NTN1: variants seen among roughly 807,000 people sequenced by gnomAD.
NTN1 encodes netrin 1.
Under a neutral mutation model 54.2 loss-of-function variants are expected in NTN1, and 11 were observed. The observed-to-expected ratio is 0.20, with a 90% CI of 0.13 to 0.34. The LOEUF (loss-of-function observed/expected upper bound fraction) is 0.34. Ranked by LOEUF, NTN1 falls within the 10% of genes least tolerant of loss-of-function variation. The pLI, the probability that NTN1 is intolerant of heterozygous loss-of-function variation, is 1.00. For missense variants in NTN1, 740 were observed against 893.1 expected (o/e 0.83, Z 2.18); for synonymous variants, 371 against 382.0 (o/e 0.97, Z 0.33).
intron 6 of NTN1, among the ~76,000 whole-genome samples, chr17:9,232,909 G>A (rs566550244): frequency 5.3e-5 from 8 of 152,146 alleles, no homozygotes; most frequent in African/African-American, 1.2e-4. Context: ...GCTGCAGCTC[G>A]TGACACGCTT....
chr17:9,119,836 G>A (rs931855369), intron 2 of NTN1, among the ~76,000 whole-genome samples: 4 of 152,170 alleles, frequency 2.6e-5, no homozygotes, highest in Admixed American at 2.6e-4. Flanking sequence ...TGAGTGTGAT[G>A]TGGTGCTCAT....
In NTN1 at chr17:9,048,093, T is replaced by A. The variant is rs1304687750; in HGVS notation, c.1018+24702T>A. Among the ~76,000 whole-genome samples, 3 of 152,234 alleles carry A rather than the reference T, an allele frequency of 2.0e-5. No individual in the cohort carries two copies. The East Asian group carries it at 5.8e-4, about 29-fold the overall frequency. On this transcript the variant is annotated intron_variant, in intron 2 of 6. Coordinates refer to ENST00000173229, the MANE Select transcript of NTN1 (RefSeq NM_004822.3). ...GATTCATCAGAGGAATCACCATCTG[T>A]GCAGCTATAGCCTTACAAAATGTGT... is the stretch of plus-strand genomic sequence containing the variant.
chr17:9,125,555 G>A (rs2092244427), intron 2 of NTN1, among the ~76,000 whole-genome samples: 1 of 151,846 alleles, frequency 6.6e-6, no homozygotes, highest in Non-Finnish European at 1.5e-5. Flanking sequence ...AAATCTTTTT[G>A]TAGAGATGGG....
intron 2 of NTN1, among the ~76,000 whole-genome samples, chr17:9,035,167 C>T (rs1333291648): frequency 6.6e-6 from 1 of 151,938 alleles, no homozygotes; most frequent in Non-Finnish European, 1.5e-5. Flanking sequence ...AGGATGGTCT[C>T]GATCTCCTGA....
At chr17:9,042,963 C>T (rs553365830) in intron 2 of NTN1, among the ~76,000 whole-genome samples, 2 of 152,120 alleles carry the variant, frequency 1.3e-5, no homozygotes, top group East Asian at 1.9e-4. Flanking sequence ...AGAATTAGCC[C>T]ATCTGAGCCC....
At chr17:9,034,314 A>G (rs2091896597) in intron 2 of NTN1, among the ~76,000 whole-genome samples, 2 of 152,156 alleles carry the variant, frequency 1.3e-5, no homozygotes, top group African/African-American at 4.8e-5. Context: ...TTATCAGCAC[A>G]CATTTCTATA....
intron 2 of NTN1, among the ~76,000 whole-genome samples, chr17:9,111,065 G>A (rs897855434): frequency 6.6e-6 from 1 of 151,692 alleles, no homozygotes; most frequent in East Asian, 1.9e-4. Flanking sequence ...CTCCCGAGTA[G>A]CTGGGAGGAT....
intron 2 of NTN1, among the ~76,000 whole-genome samples, chr17:9,117,489 C>T (rs1170475373): frequency 1.3e-5 from 2 of 152,096 alleles, no homozygotes; most frequent in African/African-American, 4.8e-5. Context: ...GGTGCGGTGG[C>T]TCACGCAGTA....
chr17:9,203,091 T>G (rs1321443272), intron 5 of NTN1, among the ~76,000 whole-genome samples: 1 of 152,112 alleles, frequency 6.6e-6, no homozygotes, highest in Non-Finnish European at 1.5e-5. Flanking sequence ...CTGGCTAATT[T>G]TTTTTATTTT....
chr17:9,130,253 C>G (rs1235977575), intron 2 of NTN1, among the ~76,000 whole-genome samples: 1 of 152,108 alleles, frequency 6.6e-6, no homozygotes, highest in Non-Finnish European at 1.5e-5. Context: ...GGTTTCACTC[C>G]AGCACCATGG....
intron 6 of NTN1, among the ~76,000 whole-genome samples, chr17:9,231,132 C>T (rs1053347946): frequency 6.6e-6 from 1 of 152,166 alleles, no homozygotes; most frequent in Non-Finnish European, 1.5e-5. Flanking sequence ...GAGGTGTACC[C>T]GCTGGCTCTC....
chr17:9,054,760 C>T (rs531267027), intron 2 of NTN1, among the ~76,000 whole-genome samples: 9 of 144,240 alleles, frequency 6.2e-5, no homozygotes, highest in South Asian at 4.5e-4. Context: ...TCGGTGGGCC[C>T]GGAGCCGGAG....
chr17:9,190,920 CTG>C (rs1183996469), intron 5 of NTN1, among the ~76,000 whole-genome samples: 1 of 152,028 alleles, frequency 6.6e-6, no homozygotes, highest in Non-Finnish European at 1.5e-5. Context: ...AAAGTTGTGA[CTG>C]TGAGTCAGTG....
At chr17:9,042,672 A>C (rs536378007) in intron 2 of NTN1, among the ~76,000 whole-genome samples, 27 of 152,134 alleles carry the variant, frequency 1.8e-4, no homozygotes, top group Non-Finnish European at 2.5e-4. Flanking sequence ...CTGCAGTCCC[A>C]GCTACTCAGG....
At position 9,165,262 on chromosome 17, in the gene NTN1, C is replaced by G. The variant is rs1206410491; in HGVS notation, c.1207+2261C>G. Among the ~76,000 whole-genome samples, 2 of 152,190 alleles carry G rather than the reference C, an allele frequency of 1.3e-5. No individual in the cohort carries two copies. Among genetic ancestry groups the G allele is most frequent in the Non-Finnish European group, 2.9e-5 (2 of 68,044 alleles). On this transcript the variant is annotated intron_variant, in intron 3 of 6. Coordinates refer to ENST00000173229, the MANE Select transcript of NTN1 (RefSeq NM_004822.3). This position sits in a 1 kb window ranked among gnomAD's most constrained non-coding sequence, Gnocchi z 4.5. ...GGGCCCTGGTCACCTCCACCTACAC[C>G]CTGTTGCTGTGGACAGGGACAAGAG...
chr17:9,047,489 G>C lies in NTN1; in HGVS notation c.1018+24098G>C, dbSNP rs560232217. The stretch of plus-strand genomic sequence containing the variant: ...ATCCATAAGAAGCGACTCGTCATCT[G>C]TTCAGGTTTTATCATGAGATTGGAG... On this transcript the variant is annotated intron_variant, in intron 2 of 6. Coordinates refer to ENST00000173229, the MANE Select transcript of NTN1 (RefSeq NM_004822.3). Among the ~76,000 whole-genome samples the C allele has an allele frequency of 3.0e-4, 46 of 152,238 alleles. 1 individual carries two copies. In the South Asian group the frequency reaches 9.3e-3, roughly 31 times the overall value.
chr17:9,122,068 C>T (rs1431904785), intron 2 of NTN1, among the ~76,000 whole-genome samples: 12 of 147,704 alleles, frequency 8.1e-5, no homozygotes, highest in South Asian at 2.1e-4. Context: ...GACGGAGTCT[C>T]GTTCTGTCGC....
chr17:9,142,200 A>G (rs186189156), intron 2 of NTN1, among the ~76,000 whole-genome samples: 172 of 152,130 alleles, frequency 1.1e-3, no homozygotes, highest in African/African-American at 3.6e-3. Context: ...GAGGTGGGAG[A>G]ATCACTTGAA....
the NTN1 span, among the ~76,000 whole-genome samples, chr17:9,009,586 T>C: frequency 6.6e-6 from 1 of 152,228 alleles, no homozygotes. Context: ...GTTTTCATCC[T>C]TGGAGTTAAA....
Sources: allele counts gnomAD v4.1 joint callset (sites outside exome capture counted in the v4.1 genomes callset), GRCh38; gene constraint gnomAD v4.1.1; non-coding constraint Gnocchi (gnomAD v3.1); transcripts MANE v1.5; gene names NCBI Gene and HGNC (gene_info 2026-07-23, HGNC 2026-07-21).